Variants in ARID1B observed in about 807,000 individuals in gnomAD.
ARID1B encodes the protein AT-rich interactive domain-containing protein 1B.
ARID1B carries 30 observed loss-of-function variants against 212.3 expected under a neutral mutation model. The ratio of observed to expected loss-of-function variants is 0.14; its 90% confidence interval spans 0.11 to 0.19. The LOEUF (loss-of-function observed/expected upper bound fraction) is 0.19. Among genes scored for constraint, ARID1B ranks in the 10% least tolerant of loss-of-function variants. The pLI is 1.00. For synonymous variants in ARID1B, 1,402 were observed against 1,301.7 expected (o/e 1.08, Z -1.66); for missense variants, 2,891 against 3,204.0 (o/e 0.90, Z 2.36).
intron 16 of ARID1B, among the ~76,000 whole-genome samples, chr6:157,197,129 C>T (rs1793784297): frequency 2.0e-5 from 3 of 152,224 alleles, no homozygotes; most frequent in African/African-American, 7.2e-5. Flanking sequence ...ACAAAAACCC[C>T]TTCCCCTTGT....
intron 2 of ARID1B, among the ~76,000 whole-genome samples, chr6:156,858,132 C>T (rs1383241480): frequency 2.0e-5 from 3 of 149,642 alleles, no homozygotes; most frequent in African/African-American, 7.4e-5. Context: ...CACAGAGAGA[C>T]AAATAATGCA....
At chr6:157,192,974 C>G (rs1299943416) in intron 15 of ARID1B, among the ~76,000 whole-genome samples, 1 of 152,158 alleles carries the variant, frequency 6.6e-6, no homozygotes, top group East Asian at 1.9e-4. Context: ...ACCTGTAGTA[C>G]AAGTAGCATG....
intron 1 of ARID1B, among the ~76,000 whole-genome samples, chr6:156,827,999 G>A (rs370605221): frequency 1.3e-5 from 2 of 150,730 alleles, no homozygotes; most frequent in African/African-American, 4.9e-5. Context: ...GACCTCAACT[G>A]ATCTGCCCGT....
At chr6:156,997,289 A>G (rs1376975207) in intron 4 of ARID1B, among the ~76,000 whole-genome samples, 1 of 152,220 alleles carries the variant, frequency 6.6e-6, no homozygotes, top group African/African-American at 2.4e-5. Flanking sequence ...TTGCGATTAT[A>G]TTACAGAATT....
intron 5 of ARID1B, among the ~76,000 whole-genome samples, chr6:157,106,201 T>TGTGTCCAGGACAGC (rs1191835875): frequency 6.6e-6 from 1 of 152,076 alleles, no homozygotes; most frequent in African/African-American, 2.4e-5. Flanking sequence ...CCCAGGACAG[T>TGTGTCCAGGACAGC]GTGTCCAGGA....
chr6:156,780,821 A>G (rs1244160629), intron 1 of ARID1B, among the ~76,000 whole-genome samples: 2 of 152,224 alleles, frequency 1.3e-5, no homozygotes, highest in African/African-American at 2.4e-5. Flanking sequence ...CACATTACAT[A>G]TATCATAGAC....
intron 3 of ARID1B, among the ~76,000 whole-genome samples, chr6:156,929,101 C>T (rs566867567): frequency 2.1e-4 from 32 of 152,122 alleles, no homozygotes; most frequent in African/African-American, 7.2e-4. Context: ...TTTTTGTTTC[C>T]TGGTAGGAAA....
At chr6:157,078,296 T>G (rs1402149504) in intron 4 of ARID1B, among the ~76,000 whole-genome samples, 1 of 152,202 alleles carries the variant, frequency 6.6e-6, no homozygotes. Flanking sequence ...TCATGAGCAT[T>G]TCTGAGGCTG....
intron 1 of ARID1B, among the ~76,000 whole-genome samples, 180 bp from the exon 2 acceptor site, chr6:156,829,047 C>G (rs1030526242): frequency 7.9e-5 from 12 of 152,274 alleles, no homozygotes; most frequent in Non-Finnish European, 1.3e-4. Context: ...AATAAAATTT[C>G]TTGTATCCAT....
chr6:157,011,657 T>C (rs1779615805), intron 4 of ARID1B, among the ~76,000 whole-genome samples: 1 of 152,226 alleles, frequency 6.6e-6, no homozygotes, highest in African/African-American at 2.4e-5. Flanking sequence ...TGTAGTTGCA[T>C]TTTATTTATT....
At chr6:156,819,358 T>C (rs371941599) in intron 1 of ARID1B, among the ~76,000 whole-genome samples, 8 of 152,338 alleles carry the variant, frequency 5.3e-5, no homozygotes, top group African/African-American at 1.9e-4. Flanking sequence ...AATGGAAATA[T>C]ATTCTATTAC....
chr6:156,983,975 G>A (rs926686517), intron 4 of ARID1B, among the ~76,000 whole-genome samples: 1 of 152,048 alleles, frequency 6.6e-6, no homozygotes, highest in Admixed American at 6.5e-5. Context: ...TATATTGTTA[G>A]CACTATTGTT....
intron 3 of ARID1B, among the ~76,000 whole-genome samples, chr6:156,932,948 T>C (rs772566759): frequency 6.6e-6 from 1 of 152,228 alleles, no homozygotes; most frequent in African/African-American, 2.4e-5. Flanking sequence ...TTAGGAATAG[T>C]ATTTGAGATT....
chr6:156,864,924 T>C (rs1047850742), intron 2 of ARID1B, among the ~76,000 whole-genome samples: 1 of 152,212 alleles, frequency 6.6e-6, no homozygotes, highest in Non-Finnish European at 1.5e-5. Context: ...TCTTTGTTTT[T>C]CGTAAATAAT....
intron 4 of ARID1B, among the ~76,000 whole-genome samples, chr6:156,980,447 C>G (rs902351747): frequency 1.3e-5 from 2 of 152,088 alleles, no homozygotes. Context: ...CATGCCATTG[C>G]ACTCCAGCCT....
At chr6:156,989,029 AT>A (rs1197041613) in intron 4 of ARID1B, among the ~76,000 whole-genome samples, 1 of 152,104 alleles carries the variant, frequency 6.6e-6, no homozygotes, top group Non-Finnish European at 1.5e-5. Flanking sequence ...ACCATACTCT[AT>A]TGACTTTTCT....
At chr6:157,084,569 C>A (rs1481064329) in intron 4 of ARID1B, 93 bp from the exon 5 acceptor site, 1 of 1,478,122 alleles carries the variant, frequency 6.8e-7, no homozygotes, top group Non-Finnish European at 9.1e-7. Flanking sequence ...ACCTTCATCT[C>A]TGAAGGGGAC....
intron 4 of ARID1B, among the ~76,000 whole-genome samples, chr6:157,017,436 T>C (rs765182306): frequency 9.2e-5 from 14 of 152,222 alleles, no homozygotes; most frequent in Non-Finnish European, 1.5e-4. Flanking sequence ...AATAGATGAC[T>C]ATTAGATTTT....
intron 3 of ARID1B, among the ~76,000 whole-genome samples, chr6:156,917,513 T>C (rs890508167): frequency 3.9e-5 from 6 of 152,048 alleles, no homozygotes; most frequent in Admixed American, 1.3e-4. Flanking sequence ...GATAAAAGTG[T>C]CTCAGAGGAA....
Sources: gnomAD v4.1 joint callset for allele counts (sites outside exome capture counted in the v4.1 genomes callset) on GRCh38, gnomAD v4.1.1 for gene constraint, MANE v1.5 for transcripts, NCBI Gene and HGNC (gene_info 2026-07-23, HGNC 2026-07-21) for gene names.